Variants in CPT1A observed in about 807,000 individuals in gnomAD.
CPT1A encodes the protein carnitine O-palmitoyltransferase 1, liver isoform.
Under a neutral mutation model 100.8 loss-of-function variants are expected in CPT1A, and 64 were observed. The ratio of observed to expected loss-of-function variants is 0.63; its 90% confidence interval spans 0.52 to 0.78. The LOEUF (loss-of-function observed/expected upper bound fraction) is 0.78, where lower values mean the gene tolerates loss of function less well. Among genes scored for constraint, CPT1A ranks in the 30% least tolerant of loss-of-function variants. The pLI is 0.00. For missense variants in CPT1A, 802 were observed against 1,034.1 expected (o/e 0.78, Z 3.08); for synonymous variants, 363 against 396.0 (o/e 0.92, Z 0.99).
At chr11:68,760,509 C>T (rs1206958828) in intron 16 of CPT1A, among the ~76,000 whole-genome samples, 171 bp from the exon 17 acceptor site, 7 of 136,904 alleles carry the variant, frequency 5.1e-5, no homozygotes, top group Non-Finnish European at 1.1e-4. Context: ...AGAGAGCATG[C>T]GGGGTGGGTG....
intron 4 of CPT1A, among the ~76,000 whole-genome samples, chr11:68,807,173 C>A (rs945799658): frequency 6.6e-6 from 1 of 152,076 alleles, no homozygotes; most frequent in Non-Finnish European, 1.5e-5. Context: ...AAGAACACTA[C>A]AAAGAACCGG....
At chr11:68,800,893 C>T (rs1387324982) in intron 5 of CPT1A, among the ~76,000 whole-genome samples, 1 of 152,012 alleles carries the variant, frequency 6.6e-6, no homozygotes, top group African/African-American at 2.4e-5. Context: ...ATCAGGAGGA[C>T]TGCTTGAGCC....
chr11:68,765,635 G>C (rs1184330928), intron 14 of CPT1A, among the ~76,000 whole-genome samples: 3 of 152,184 alleles, frequency 2.0e-5, no homozygotes, highest in Non-Finnish European at 4.4e-5. Flanking sequence ...CTGCAGACTA[G>C]AATTAATACC....
At chr11:68,794,078 C>T (rs907108192) in intron 8 of CPT1A, among the ~76,000 whole-genome samples, 12 of 152,114 alleles carry the variant, frequency 7.9e-5, no homozygotes, top group African/African-American at 2.9e-4. Flanking sequence ...GGGCAGATTA[C>T]AGAATTAAAG....
intron 5 of CPT1A, among the ~76,000 whole-genome samples, chr11:68,801,629 G>GAA (rs746559700): frequency 4.0e-5 from 5 of 125,760 alleles, no homozygotes; most frequent in Non-Finnish European, 1.7e-5. Flanking sequence ...GACTCTGTCT[G>GAA]AAAAAAAAAA....
In CPT1A at chr11:68,798,927, C is replaced by T. The variant is rs543300670; in HGVS notation, c.693+291G>A. On this transcript the variant is annotated intron_variant, in intron 6 of 18. Coordinates refer to ENST00000265641, the MANE Select transcript of CPT1A (RefSeq NM_001876.4). ...CTATGATCCCAGCACTTTGGGAGGC[C>T]GAGGTGGGAGGATCACTTGAGCCCA... 3.0e-4 allele frequency among the ~76,000 whole-genome samples: 46 copies of T among 152,122 alleles called. 1 individual carries two copies. Among genetic ancestry groups the T allele is most frequent in the Admixed American group, 1.7e-3 (26 of 15,278 alleles).
rs150426946 is a variant in CPT1A, at chr11:68,814,926, A to G, written c.141+408T>C. On this transcript the variant is annotated intron_variant, in intron 2 of 18. Transcript: ENST00000265641. ...GGTCTTAAACTCCTGAGCTCAAGCA[A>G]TCCGCCCACCTCAGCTTCCCAAAGT... is the stretch of plus-strand genomic sequence containing the variant. Among the ~76,000 whole-genome samples, 659 of 152,016 alleles carry G rather than the reference A, an allele frequency of 4.3e-3. 6 individuals are homozygous for G. The highest frequency in any genetic ancestry group is 0.013 in the African/African-American group (547 of 41,450).
chr11:68,765,893 A>G, intron 14 of CPT1A, among the ~76,000 whole-genome samples: 1 of 147,860 alleles, frequency 6.8e-6, no homozygotes, highest in Non-Finnish European at 1.5e-5. Context: ...TTTTTTTTGG[A>G]GACAGTCTCA....
chr11:68,781,851 T>C lies in CPT1A; in HGVS notation c.1272A>G (p.Glu424=). The change falls in exon 11 of 19, where the codon GAA becomes GAG. Residue 424 remains glutamate, a synonymous_variant. Coordinates refer to ENST00000265641, the MANE Select transcript of CPT1A (RefSeq NM_001876.4). ...AAFFVTLDET[E]EGYRSEDPDT... is the part of the protein sequence containing the mutation. Reference sequence around the variant, plus strand: ...CCGGGTCTTCACTTCTGTATCCTTCTTCAGTTTCATCTAACGTCACAAAGA... The same window carrying C: ...CCGGGTCTTCACTTCTGTATCCTTCCTCAGTTTCATCTAACGTCACAAAGA... 6.2e-7 allele frequency: 1 copy of C among 1,614,130 alleles called. No individual in the cohort carries two copies.
At chr11:68,759,800 G>GA in intron 17 of CPT1A, 139 bp from the exon 18 acceptor site, 1 of 725,660 alleles carries the variant, frequency 1.4e-6, no homozygotes, top group Non-Finnish European at 2.5e-6. Context: ...GGCTGAGGCA[G>GA]GCGGGTCACT....
rs1855114160 is a variant in CPT1A at position 68,775,324 on chromosome 11, G to C, written c.1567C>G (p.Pro523Ala). 2.5e-6 allele frequency: 4 copies of C among 1,612,662 alleles called. No individual in the cohort carries two copies. Among genetic ancestry groups the C allele is most frequent in the Middle Eastern group, 1.7e-4 (1 of 6,058 alleles). ...GGATAATCCGGACTTACTTCCCCCG[G>C]GATGTCCCACTGCAGCCTGGTGGGG... is the stretch of plus-strand genomic sequence containing the variant. ...PYPTRLQWDI[P>A]GECQEVIETS... Residue 523 changes from proline to alanine, a missense_variant, in exon 13 of 19, where the codon CCG becomes GCG. Transcript: ENST00000265641.
chr11:68,764,468 G>A (rs561928191), intron 14 of CPT1A, among the ~76,000 whole-genome samples: 23 of 152,222 alleles, frequency 1.5e-4, no homozygotes, highest in African/African-American at 5.3e-4. Context: ...TGAGCACAGG[G>A]CCTGCTCAGC....
intron 9 of CPT1A, among the ~76,000 whole-genome samples, chr11:68,787,545 T>G (rs1196473362): frequency 1.3e-5 from 2 of 152,020 alleles, no homozygotes; most frequent in African/African-American, 4.8e-5. Flanking sequence ...TATATTGAAA[T>G]CCTAACCCCC....
chr11:68,839,004 T>TC (rs879481939), intron 1 of CPT1A, among the ~76,000 whole-genome samples: 16 of 151,922 alleles, frequency 1.1e-4, no homozygotes, highest in Non-Finnish European at 1.8e-4. Context: ...GTTGGAGAGA[T>TC]TCTCGAGAGA....
Position 68,754,993 on chromosome 11 carries a change from GATAACAAA to G in CPT1A, c.*2643_*2650del. 2 of 636,652 alleles carry G rather than the reference GATAACAAA, an allele frequency of 3.1e-6. No homozygotes were observed. The highest frequency in any genetic ancestry group is 5.8e-6 in the Non-Finnish European group (2 of 345,100). 39.4% of individuals were successfully genotyped at this position (636,652 alleles called of 1,614,324 possible). A position where few individuals can be genotyped will look rare whatever the true frequency, so the allele number is the denominator to read the frequency against. On this transcript the variant is annotated 3_prime_UTR_variant, in exon 19 of 19. Coordinates refer to ENST00000265641, the MANE Select transcript of CPT1A (RefSeq NM_001876.4). The stretch of plus-strand genomic sequence containing the variant: ...TATTTACATGCACCGGTCAGCCCAA[GATAACAAA>G]TTCAAACCATGGCTGCGTTAAGACA...
intron 1 of CPT1A, among the ~76,000 whole-genome samples, chr11:68,839,014 A>G (rs1857093193): frequency 6.6e-6 from 1 of 152,028 alleles, no homozygotes; most frequent in Non-Finnish European, 1.5e-5. Context: ...TTCTCGAGAG[A>G]TTCTCTCCAA....
At chr11:68,758,975 C>T (rs1264033151) in intron 18 of CPT1A, among the ~76,000 whole-genome samples, 1 of 152,078 alleles carries the variant, frequency 6.6e-6, no homozygotes, top group East Asian at 1.9e-4. Context: ...TATGGCTGGG[C>T]ACAGTGGCTG....
chr11:68,790,533 C>T (rs541482431), intron 9 of CPT1A, among the ~76,000 whole-genome samples: 3 of 152,140 alleles, frequency 2.0e-5, no homozygotes, highest in Non-Finnish European at 4.4e-5. Context: ...GATATGCCTA[C>T]AAGCCAAGGA....
intron 10 of CPT1A, among the ~76,000 whole-genome samples, chr11:68,784,410 C>T (rs768653250): frequency 2.0e-5 from 3 of 152,034 alleles, no homozygotes; most frequent in African/African-American, 4.8e-5. Context: ...GGCATGGTGG[C>T]GCACTCCCAG....
Sources: gnomAD v4.1 joint callset for allele counts (sites outside exome capture counted in the v4.1 genomes callset) on GRCh38, gnomAD v4.1.1 for gene constraint, MANE v1.5 for transcripts, NCBI Gene and HGNC (gene_info 2026-07-23, HGNC 2026-07-21) for gene names.